RAD18: variants seen among roughly 807,000 people sequenced by gnomAD.
The protein encoded by RAD18 is RAD18 E3 ubiquitin protein ligase.
A neutral mutation model predicts 60.4 loss-of-function variants in RAD18; 47 were observed. The observed-to-expected ratio is 0.78, with a 90% confidence interval of 0.62 to 0.99. The LOEUF (loss-of-function observed/expected upper bound fraction) is 0.99, where lower values mean the gene tolerates loss of function less well. Among genes scored for constraint, RAD18 ranks in the 50% least tolerant of loss-of-function variants. The pLI, the probability that RAD18 is intolerant of heterozygous loss-of-function variation, is 0.00. For synonymous variants in RAD18, 225 were observed against 195.5 expected (o/e 1.15, Z -1.26); for missense variants, 640 against 593.3 (o/e 1.08, Z -0.82).
chr3:8,939,544 A>C lies in RAD18; in HGVS notation c.704+10T>G, dbSNP rs1435263880. The C allele has an allele frequency of 3.1e-6, 5 of 1,605,028 alleles. No individual in the cohort carries two copies. The East Asian group carries it at 1.1e-4, about 36-fold the overall frequency. On this transcript the variant is annotated intron_variant, in intron 6 of 12. Transcript: ENST00000264926. ...TAAAGTAGCTCAATGGTTCTGCTCA[A>C]CTTCCTTACCTTCTGAGGCTTTCCT...
rs1196282381 is a variant in RAD18, at chr3:8,898,921, G to T, written c.1295C>A (p.Ser432Tyr). 9 of 1,599,148 alleles carry T rather than the reference G, an allele frequency of 5.6e-6. No individual in the cohort carries two copies. The African/African-American group carries it at 8.1e-5, about 14-fold the overall frequency. ...SSCIDIQEVL[S>Y]SSESDSCNSS... ...ATTGCATGAATCTGATTCTGATGAA[G>T]AAAGAACTTCTTGAATATCAATACA... Residue 432 changes from serine (S) to tyrosine (Y), a missense_variant, in exon 11 of 13, where the codon TCT becomes TAT. Physicochemically the swap from Ser to Tyr is moderately radical, Grantham distance 144. Transcript: ENST00000264926.
intron 10 of RAD18, among the ~76,000 whole-genome samples, chr3:8,901,739 A>G (rs1939916525): frequency 6.6e-6 from 1 of 152,220 alleles, no homozygotes; most frequent in Admixed American, 6.5e-5. Flanking sequence ...ATAGTTACAC[A>G]ATATTGTGAA....
intron 7 of RAD18, among the ~76,000 whole-genome samples, chr3:8,916,671 A>G (rs6798925): frequency 0.081 from 12,320 of 152,244 alleles, 1,587 homozygotes; most frequent in African/African-American, 0.28. Flanking sequence ...AAAGAATAAA[A>G]TAGAAATGTT....
intron 2 of RAD18, among the ~76,000 whole-genome samples, chr3:8,953,871 G>A (rs759154894): frequency 1.3e-5 from 2 of 151,432 alleles, no homozygotes; most frequent in African/African-American, 4.9e-5. Flanking sequence ...CAAAGCTTGT[G>A]TAGAAGTAAA....
chr3:8,880,368 G>C lies in RAD18; in HGVS notation c.*989C>G, dbSNP rs1939436006. The C allele has an allele frequency of 6.6e-6, 1 of 152,216 alleles. No individual in the cohort carries two copies. The highest frequency in any genetic ancestry group is 2.1e-4 in the South Asian group (1 of 4,822). 9.4% of individuals were successfully genotyped at this position (152,216 alleles called of 1,614,324 possible). On this transcript the variant is annotated 3_prime_UTR_variant, in exon 13 of 13. Transcript: ENST00000264926. Reference sequence around the variant, plus strand: ...TCTCATTTGAAAGCTGATGTGTTTGGGTTGGGTGATGGCAGAGGGGTGGGA... The same window carrying C: ...TCTCATTTGAAAGCTGATGTGTTTGCGTTGGGTGATGGCAGAGGGGTGGGA...
intron 7 of RAD18, among the ~76,000 whole-genome samples, chr3:8,919,563 T>C (rs1032499308): frequency 1.3e-5 from 2 of 152,268 alleles, no homozygotes; most frequent in Admixed American, 6.5e-5. Context: ...TTTACATGTA[T>C]ATATATGCAT....
rs1553623982 is a variant in RAD18, at chr3:8,890,486, C to T, written c.1323-35G>A. 5 of 1,441,582 alleles carry T rather than the reference C, an allele frequency of 3.5e-6. No homozygotes were observed. In the South Asian group the frequency reaches 4.6e-5, roughly 13 times the overall value. 89.3% of individuals were successfully genotyped at this position (1,441,582 alleles called of 1,614,324 possible). ...TATGTACATCAGTATTGACAGACAA[C>T]AAGAAGACTGTATCGTCCCATTTAT... On this transcript the variant is annotated intron_variant, in intron 11 of 12. Coordinates refer to ENST00000264926, the MANE Select transcript of RAD18 (RefSeq NM_020165.4).
intron 7 of RAD18, among the ~76,000 whole-genome samples, chr3:8,915,294 A>G (rs1280105460): frequency 6.6e-6 from 1 of 152,206 alleles, no homozygotes; most frequent in Non-Finnish European, 1.5e-5. Flanking sequence ...AAAGCGGGAT[A>G]ACTTATAAAA....
intron 7 of RAD18, among the ~76,000 whole-genome samples, chr3:8,922,623 G>A (rs1297412660): frequency 6.6e-6 from 1 of 152,214 alleles, no homozygotes; most frequent in Non-Finnish European, 1.5e-5. Flanking sequence ...GCCTCTTCAA[G>A]TGGGTCCCTG....
chr3:8,894,759 C>CTTT (rs71625397), intron 11 of RAD18, among the ~76,000 whole-genome samples: 15 of 120,806 alleles, frequency 1.2e-4, no homozygotes, highest in South Asian at 2.7e-4. Context: ...AGTTTAAGCG[C>CTTT]TTTTTTTTTT....
At chr3:8,915,209 C>T (rs1214905713) in intron 7 of RAD18, among the ~76,000 whole-genome samples, 1 of 150,100 alleles carries the variant, frequency 6.7e-6, no homozygotes, top group Non-Finnish European at 1.5e-5. Context: ...CTTAAATCTT[C>T]TTCAGGGAGA....
intron 7 of RAD18, among the ~76,000 whole-genome samples, chr3:8,915,082 G>A (rs1217782440): frequency 7.0e-6 from 1 of 143,474 alleles, no homozygotes; most frequent in African/African-American, 2.5e-5. Context: ...CCGGGAGGCG[G>A]AGCTTGCAGT....
chr3:8,917,364 G>A (rs1940222399), intron 7 of RAD18, among the ~76,000 whole-genome samples: 3 of 152,240 alleles, frequency 2.0e-5, no homozygotes, highest in Admixed American at 6.5e-5. Context: ...ATGAAAACTG[G>A]TGAAAATGGT....
intron 7 of RAD18, 123 bp downstream of exon 7, chr3:8,935,748 T>C: frequency 1.1e-6 from 1 of 924,696 alleles, no homozygotes; most frequent in Non-Finnish European, 1.5e-6. Flanking sequence ...AGGAACACAT[T>C]TGCACGTCTT....
chr3:8,932,814 C>G (rs45548937), intron 7 of RAD18, among the ~76,000 whole-genome samples: 1 of 152,120 alleles, frequency 6.6e-6, no homozygotes, highest in African/African-American at 2.4e-5. Flanking sequence ...AATAAATGCA[C>G]TGGCTGGGCA....
chr3:8,958,060 T>A (rs1285276649), intron 2 of RAD18, among the ~76,000 whole-genome samples: 1 of 152,242 alleles, frequency 6.6e-6, no homozygotes, highest in Non-Finnish European at 1.5e-5. Flanking sequence ...GTTCTGCACA[T>A]TTAATTCTCA....
At position 8,920,885 on chromosome 3, in the gene RAD18, G is replaced by GA. The variant is rs1467061339; in HGVS notation, c.890-7166dup. On this transcript the variant is annotated intron_variant, in intron 7 of 12. Coordinates refer to ENST00000264926, the MANE Select transcript of RAD18 (RefSeq NM_020165.4). The stretch of plus-strand genomic sequence containing the variant: ...TCCAAAACTGGATCATGTACTGCAG[G>GA]AAAAAAAATCTACAAAGGTTATTAT... Among the ~76,000 whole-genome samples the GA allele has an allele frequency of 2.2e-4, 33 of 151,924 alleles. 1 individual carries two copies. The East Asian group carries it at 4.6e-3, about 21-fold the overall frequency.
intron 7 of RAD18, among the ~76,000 whole-genome samples, chr3:8,933,271 T>C (rs997490372): frequency 5.3e-5 from 8 of 152,142 alleles, no homozygotes; most frequent in African/African-American, 1.9e-4. Flanking sequence ...GGTAAAATTA[T>C]AGGGACAAAA....
chr3:8,939,745 A>C (rs1940715751), intron 5 of RAD18, 92 bp from the exon 6 acceptor site: 1 of 1,058,232 alleles, frequency 9.4e-7, no homozygotes, highest in African/African-American at 1.6e-5. Context: ...GTAAAGTAAA[A>C]AAGAATCCCA....
Sources: allele counts gnomAD v4.1 joint callset (sites outside exome capture counted in the v4.1 genomes callset), GRCh38; gene constraint gnomAD v4.1.1; transcripts MANE v1.5; gene names NCBI Gene and HGNC (gene_info 2026-07-23, HGNC 2026-07-21).